The following EBF3 variants were observed in gnomAD, a reference collection of about 807,000 sequenced individuals.
EBF3 encodes EBF transcription factor 3.
In EBF3, 18 loss-of-function variants were observed where a neutral mutation model predicts 77.1. The ratio of observed to expected loss-of-function variants is 0.23; its 90% CI spans 0.16 to 0.35. EBF3 has a LOEUF of 0.35. Ranked by LOEUF, EBF3 falls within the 10% of genes least tolerant of loss-of-function variation. The probability of loss-of-function intolerance (pLI) is 1.00; values close to 1 mark genes in which losing one functional copy is unlikely to be tolerated. For missense variants in EBF3, 558 were observed against 860.0 expected, an observed-to-expected ratio of 0.65 and a Z score of 4.39; for synonymous variants, 350 against 343.5, an observed-to-expected ratio of 1.02 and a Z score of -0.21.
rs187674386 is a variant in EBF3 at position 129,919,945 on chromosome 10, G to A, written c.554+37313C>T. ...AACAGCACAAGAGAGAAAGCCGCCC[G>A]CCCACAAGCCCACCCCGCTGTGCAG... On this transcript the variant is annotated intron_variant, in intron 6 of 16. Coordinates refer to ENST00000440978, the MANE Select transcript of EBF3 (RefSeq NM_001375380.1). Among the ~76,000 whole-genome samples, 1,498 of 151,588 alleles carry A rather than the reference G, an allele frequency of 9.9e-3. 18 individuals carry two copies. Among genetic ancestry groups the A allele is most frequent in the South Asian group, 0.017 (80 of 4,784 alleles).
intron 6 of EBF3, among the ~76,000 whole-genome samples, chr10:129,924,028 T>C (rs1274553866): frequency 1.3e-5 from 2 of 152,196 alleles, no homozygotes; most frequent in African/African-American, 4.8e-5. Flanking sequence ...TATGTCTTCT[T>C]GGGAAGATGC....
rs1056884324 is a variant in EBF3 at position 129,867,096 on chromosome 10, G to C, written c.1039+45C>G. On this transcript the variant is annotated intron_variant, in intron 10 of 16. Transcript: ENST00000440978. ...CTCATGAGCACCTCCTGGTGGGGAGGAGGCCTCTACCGCTTTCCCGCAGAA... is the reference window on the plus strand; with the variant it reads ...CTCATGAGCACCTCCTGGTGGGGAGCAGGCCTCTACCGCTTTCCCGCAGAA... 7 of 1,593,470 alleles carry C rather than the reference G, an allele frequency of 4.4e-6. No individual in the cohort carries two copies. The African/African-American group carries it at 6.7e-5, about 15-fold the overall frequency.
At chr10:129,891,547 T>C (rs1417979536) in intron 6 of EBF3, among the ~76,000 whole-genome samples, 1 of 152,246 alleles carries the variant, frequency 6.6e-6, no homozygotes, top group African/African-American at 2.4e-5. Flanking sequence ...AAAACGACTG[T>C]TGTGTGTTTC....
intron 6 of EBF3, among the ~76,000 whole-genome samples, chr10:129,928,897 T>C (rs1230426041): frequency 2.0e-5 from 3 of 152,234 alleles, no homozygotes; most frequent in Non-Finnish European, 2.9e-5. Flanking sequence ...TTCTGTGAAC[T>C]TTTCCATATC....
chr10:129,857,332 G>A (rs1405448494), intron 10 of EBF3, among the ~76,000 whole-genome samples: 2 of 152,118 alleles, frequency 1.3e-5, no homozygotes, highest in Non-Finnish European at 2.9e-5. Context: ...GGGACCAGAA[G>A]GCCATCGTGT....
chr10:129,903,593 G>A (rs1402333139), intron 6 of EBF3, among the ~76,000 whole-genome samples: 1 of 152,238 alleles, frequency 6.6e-6, no homozygotes, highest in Non-Finnish European at 1.5e-5. Context: ...CTGGTGCATT[G>A]TTTTACAAAT....
chr10:129,880,788 G>A (rs916330091), intron 6 of EBF3, among the ~76,000 whole-genome samples: 10 of 152,338 alleles, frequency 6.6e-5, no homozygotes, highest in South Asian at 2.1e-4. Context: ...AGAGCTCTGC[G>A]CTTACCTCTT....
At chr10:129,930,966 C>A (rs1856988105) in intron 6 of EBF3, among the ~76,000 whole-genome samples, 1 of 145,502 alleles carries the variant, frequency 6.9e-6, no homozygotes, top group Admixed American at 7.0e-5. Context: ...ACAAATCCCC[C>A]TCTCATATAT....
chr10:129,837,419 C>G lies in EBF3; in HGVS notation c.*524G>C, dbSNP rs1849676752. 1 of 149,688 alleles carries G rather than the reference C, an allele frequency of 6.7e-6. No homozygotes were observed. The highest frequency in any genetic ancestry group is 1.5e-5 in the Non-Finnish European group (1 of 67,842). The allele number at this position is 149,688 out of a possible 1,614,324, so 9.3% of individuals were successfully genotyped here. A position where few individuals can be genotyped will look rare whatever the true frequency, so the allele number is the denominator to read the frequency against. ...CCTCATCATATAGTCATCCTTTTTT[C>G]CAGTCTGATGGCTCATACCTCCTTG... On this transcript the variant is annotated 3_prime_UTR_variant, in exon 17 of 17. Transcript: ENST00000440978.
At chr10:129,942,645 T>C (rs1857852773) in intron 6 of EBF3, among the ~76,000 whole-genome samples, 1 of 152,210 alleles carries the variant, frequency 6.6e-6, no homozygotes, top group Admixed American at 6.5e-5. Context: ...ATTCCAGAGA[T>C]GGCCTCTCTG....
chr10:129,847,186 C>A (rs772258791), intron 11 of EBF3, among the ~76,000 whole-genome samples: 1 of 152,014 alleles, frequency 6.6e-6, no homozygotes, highest in Non-Finnish European at 1.5e-5. Context: ...GGGTGTCTTC[C>A]CTGAGGGCCA....
chr10:129,956,236 G>A (rs1005339379), intron 6 of EBF3, among the ~76,000 whole-genome samples: 6 of 152,190 alleles, frequency 3.9e-5, no homozygotes, highest in Non-Finnish European at 8.8e-5. Flanking sequence ...TCAGACACTG[G>A]ACAGCAAAGT....
At position 129,963,895 on chromosome 10, in the gene EBF3, G is replaced by T. The variant is rs1484815662; in HGVS notation, c.-127C>A. ...TGCTCGGCGCCTGCGGTCCGGCCCC[G>T]CCGCCGGCTTCAGCCCGTCCCGGGC... On this transcript the variant is annotated 5_prime_UTR_variant, in exon 1 of 17. Transcript: ENST00000440978. This position sits in a 1 kb window ranked among gnomAD's most constrained non-coding sequence, Gnocchi z 7.1. 6 of 1,164,386 alleles carry T rather than the reference G, an allele frequency of 5.2e-6. No individual in the cohort carries two copies. Among genetic ancestry groups the T allele is most frequent in the Middle Eastern group, 2.8e-4 (1 of 3,532 alleles). The allele number at this position is 1,164,386 out of a possible 1,614,324, so 72.1% of individuals were successfully genotyped here.
chr10:129,961,932 AAT>A (rs1367785247), intron 4 of EBF3, among the ~76,000 whole-genome samples: 1 of 152,246 alleles, frequency 6.6e-6, no homozygotes, highest in Non-Finnish European at 1.5e-5. Flanking sequence ...ATTAAGACAG[AAT>A]ATGATTCCAA....
At chr10:129,855,766 A>T (rs1217462757) in intron 10 of EBF3, among the ~76,000 whole-genome samples, 1 of 152,260 alleles carries the variant, frequency 6.6e-6, no homozygotes, top group African/African-American at 2.4e-5. Context: ...TTCTTTAAAA[A>T]AGGAACATCA....
chr10:129,855,427 T>C (rs139161739), intron 10 of EBF3, among the ~76,000 whole-genome samples: 11 of 152,328 alleles, frequency 7.2e-5, no homozygotes, highest in East Asian at 1.9e-4. Context: ...AAAGAATACA[T>C]TGGATGATGG....
At position 129,963,253 on chromosome 10, in the gene EBF3, G is replaced by A. The variant is rs1859668172; in HGVS notation, c.291+114C>T. ...CGGCCGCACGTGGCGGCGGCGGGGT[G>A]GCCTGGCGGAGCCGAGCCCGCCGCC... is the stretch of plus-strand genomic sequence containing the variant. On this transcript the variant is annotated intron_variant, in intron 2 of 16. Coordinates refer to ENST00000440978, the MANE Select transcript of EBF3 (RefSeq NM_001375380.1). The surrounding 1 kb of genome is among the most constrained non-coding windows in gnomAD (Gnocchi z 7.1). 7.0e-7 allele frequency: 1 copy of A among 1,421,406 alleles called. No individual in the cohort carries two copies. The highest frequency in any genetic ancestry group is 1.5e-5 in the African/African-American group (1 of 66,402). 88.0% of individuals were successfully genotyped at this position (1,421,406 alleles called of 1,614,324 possible). A position where few individuals can be genotyped will look rare whatever the true frequency, so the allele number is the denominator to read the frequency against.
At chr10:129,908,945 A>G (rs1472044978) in intron 6 of EBF3, among the ~76,000 whole-genome samples, 1 of 152,230 alleles carries the variant, frequency 6.6e-6, no homozygotes. Context: ...TTAAAGATAT[A>G]CTAAAAGTAT....
chr10:129,924,929 G>A (rs1031679598), intron 6 of EBF3, among the ~76,000 whole-genome samples: 4 of 152,204 alleles, frequency 2.6e-5, no homozygotes, highest in Admixed American at 1.3e-4. Context: ...CTCCCGAAGC[G>A]CCGAGATGAC....
Sources: gnomAD v4.1 joint callset for allele counts (sites outside exome capture counted in the v4.1 genomes callset) on GRCh38, gnomAD v4.1.1 for gene constraint, Gnocchi (gnomAD v3.1) non-coding constraint, MANE v1.5 for transcripts, NCBI Gene and HGNC (gene_info 2026-07-23, HGNC 2026-07-21) for gene names.